The following FGF14 variants were observed in gnomAD, a reference collection of about 807,000 sequenced individuals.
FGF14 encodes fibroblast growth factor 14, also known as fibroblast growth factor homologous factor 4.
Under a neutral mutation model 25.5 loss-of-function variants are expected in FGF14, and 5 were observed. The ratio of observed to expected loss-of-function variants is 0.20; its 90% CI spans 0.10 to 0.41. FGF14 has a LOEUF of 0.41. Among genes scored for constraint, FGF14 ranks in the 10% least tolerant of loss-of-function variants. The probability of loss-of-function intolerance (pLI) is 1.00; values close to 1 mark genes in which losing one functional copy is unlikely to be tolerated. For synonymous variants in FGF14, 138 were observed against 118.3 expected (o/e 1.17, Z -1.08); for missense variants, 222 against 320.1 (o/e 0.69, Z 2.34).
In FGF14 at chr13:102,037,860, A is replaced by G. The variant is rs1566604364; in HGVS notation, c.209-162564T>C. On this transcript the variant is annotated intron_variant, in intron 1 of 4. Coordinates refer to the FGF14 transcript ENST00000376131. ...AATGCACAGCAAGTCAACTCACTTC[A>G]GTACTCCCTAGAAAGTATAAATTTC... is the stretch of plus-strand genomic sequence containing the variant. 3.9e-5 allele frequency among the ~76,000 whole-genome samples: 6 copies of G among 152,256 alleles called. 1 individual carries two copies. The South Asian group carries it at 1.2e-3, about 32-fold the overall frequency.
intron 1 of FGF14, among the ~76,000 whole-genome samples, chr13:102,307,977 AG>A (rs998021773): frequency 2.0e-5 from 3 of 152,292 alleles, no homozygotes; most frequent in East Asian, 3.9e-4. Flanking sequence ...ATAACTTTCA[AG>A]GTGTCTCACA....
intron 1 of FGF14, among the ~76,000 whole-genome samples, chr13:102,246,578 G>C (rs1437875982): frequency 6.6e-6 from 1 of 151,916 alleles, no homozygotes; most frequent in Non-Finnish European, 1.5e-5. Flanking sequence ...TTTATATCCA[G>C]GTTTGTTAGG....
At chr13:102,351,663 G>C (rs1405301104) in intron 1 of FGF14, among the ~76,000 whole-genome samples, 3 of 152,202 alleles carry the variant, frequency 2.0e-5, no homozygotes, top group African/African-American at 7.2e-5. Context: ...CCACTTCTAA[G>C]CTGGCGTCTT....
At chr13:102,342,868 G>T (rs2056993103) in intron 1 of FGF14, among the ~76,000 whole-genome samples, 1 of 152,086 alleles carries the variant, frequency 6.6e-6, no homozygotes, top group Non-Finnish European at 1.5e-5. Context: ...TAGCAACAAT[G>T]CTGTTTTTCT....
At chr13:102,254,960 T>G (rs2052365492) in intron 1 of FGF14, among the ~76,000 whole-genome samples, 1 of 152,224 alleles carries the variant, frequency 6.6e-6, no homozygotes, top group South Asian at 2.1e-4. Context: ...AGTCTCTAAA[T>G]CACTGATCAT....
intron 3 of FGF14, among the ~76,000 whole-genome samples, chr13:101,768,088 A>G (rs978936074): frequency 2.0e-5 from 3 of 152,120 alleles, no homozygotes; most frequent in Non-Finnish European, 4.4e-5. Context: ...TAAATATTTT[A>G]GTGTCAACAG....
At chr13:101,744,115 A>G (rs1477886942) in intron 3 of FGF14, among the ~76,000 whole-genome samples, 3 of 152,188 alleles carry the variant, frequency 2.0e-5, no homozygotes, top group African/African-American at 7.2e-5. Context: ...CAACCTTTGT[A>G]TCTTACTAAG....
intron 1 of FGF14, among the ~76,000 whole-genome samples, chr13:102,163,590 G>C (rs997185875): frequency 8.5e-5 from 13 of 152,142 alleles, no homozygotes; most frequent in African/African-American, 2.9e-4. Context: ...TCTCTGGGGG[G>C]TTCTCAGAGG....
chr13:102,096,001 G>GTATATATATATATA (rs60775005), intron 1 of FGF14, among the ~76,000 whole-genome samples: 2 of 135,046 alleles, frequency 1.5e-5, no homozygotes, highest in African/African-American at 5.6e-5. Context: ...GTGTGTGTGT[G>GTATATATATATATA]TATATATATA....
chr13:102,123,955 A>C (rs902133379), intron 1 of FGF14, among the ~76,000 whole-genome samples: 1 of 152,212 alleles, frequency 6.6e-6, no homozygotes, highest in Non-Finnish European at 1.5e-5. Flanking sequence ...TCCAGAATGC[A>C]AAGTATATTT....
chr13:102,060,157 C>CAAA (rs199958869), intron 1 of FGF14, among the ~76,000 whole-genome samples: 56 of 143,584 alleles, frequency 3.9e-4, no homozygotes, highest in African/African-American at 4.3e-4. Flanking sequence ...TGCAAATATT[C>CAAA]AAAAAAAAAA....
chr13:101,805,719 T>A (rs2041157670), intron 3 of FGF14, among the ~76,000 whole-genome samples: 1 of 152,154 alleles, frequency 6.6e-6, no homozygotes, highest in South Asian at 2.1e-4. Flanking sequence ...ACAATAAATA[T>A]AACATTCTGA....
At chr13:102,111,686 A>T (rs2045232520) in intron 1 of FGF14, among the ~76,000 whole-genome samples, 1 of 151,496 alleles carries the variant, frequency 6.6e-6, no homozygotes, top group African/African-American at 2.4e-5. Flanking sequence ...ACTGTACTCT[A>T]GCCTGGGCAA....
intron 1 of FGF14, among the ~76,000 whole-genome samples, chr13:101,908,868 G>T (rs1449068906): frequency 2.6e-5 from 4 of 152,296 alleles, no homozygotes; most frequent in Non-Finnish European, 4.4e-5. Flanking sequence ...AACCAAAACA[G>T]CATGGTACTG....
chr13:101,756,751 A>AAAAC (rs199873606), intron 3 of FGF14, among the ~76,000 whole-genome samples: 62 of 152,290 alleles, frequency 4.1e-4, no homozygotes, highest in Non-Finnish European at 6.3e-4. Context: ...AAAAAAACAA[A>AAAAC]AAACAAACAA....
chr13:102,108,974 C>G (rs1021047860), intron 1 of FGF14, among the ~76,000 whole-genome samples: 14 of 123,676 alleles, frequency 1.1e-4, no homozygotes, highest in Non-Finnish European at 5.1e-5. Flanking sequence ...AGGAAAAAAC[C>G]AGAGGCTTTC....
At chr13:102,344,402 G>T (rs1436602020) in intron 1 of FGF14, among the ~76,000 whole-genome samples, 2 of 152,174 alleles carry the variant, frequency 1.3e-5, no homozygotes, top group Non-Finnish European at 2.9e-5. Flanking sequence ...ACCTATGTTT[G>T]CCCACTTGGG....
chr13:101,846,965 G>C (rs2043496205), intron 3 of FGF14, among the ~76,000 whole-genome samples: 2 of 152,018 alleles, frequency 1.3e-5, no homozygotes, highest in African/African-American at 4.8e-5. Flanking sequence ...ATTCTCTTCT[G>C]CCTTTTCAAG....
chr13:102,158,561 C>A (rs955652855), intron 1 of FGF14, among the ~76,000 whole-genome samples: 1 of 151,594 alleles, frequency 6.6e-6, no homozygotes. Flanking sequence ...AGGAGATATA[C>A]CTAATGTTAA....
Sources: allele counts gnomAD v4.1 joint callset (sites outside exome capture counted in the v4.1 genomes callset), GRCh38; gene constraint gnomAD v4.1.1; transcripts MANE v1.5; gene names NCBI Gene and HGNC (gene_info 2026-07-23, HGNC 2026-07-21).